MTMR7: variants seen among roughly 807,000 people sequenced by gnomAD.
MTMR7 encodes phosphatidylinositol-3-phosphate phosphatase MTMR7.
Under a neutral mutation model 81.2 loss-of-function variants are expected in MTMR7, and 76 were observed. The observed-to-expected ratio is 0.94, with a 90% CI of 0.78 to 1.13. The LOEUF (loss-of-function observed/expected upper bound fraction) is 1.13, where lower values mean the gene tolerates loss of function less well. Among genes scored for constraint, MTMR7 ranks in the 50% most tolerant of loss-of-function variants. The pLI is 0.00. For missense variants in MTMR7, 1,044 were observed against 820.0 expected, an observed-to-expected ratio of 1.27 and a Z score of -3.34; for synonymous variants, 372 against 289.8, an observed-to-expected ratio of 1.28 and a Z score of -2.88.
At chr8:17,405,087 A>C (rs1821538250) in intron 1 of MTMR7, among the ~76,000 whole-genome samples, 1 of 152,216 alleles carries the variant, frequency 6.6e-6, no homozygotes, top group Non-Finnish European at 1.5e-5. Flanking sequence ...TCTGACCTCA[A>C]ACGATCCGTC....
At chr8:17,359,367 G>C (rs1306382879) in intron 4 of MTMR7, among the ~76,000 whole-genome samples, 1 of 152,032 alleles carries the variant, frequency 6.6e-6, no homozygotes, top group Non-Finnish European at 1.5e-5. Context: ...GGAGGCCAAG[G>C]GAGGAGGACT....
At chr8:17,302,039 A>T (rs1358360356) in intron 13 of MTMR7, 115 bp downstream of exon 13, 2 of 1,391,184 alleles carry the variant, frequency 1.4e-6, no homozygotes, top group African/African-American at 1.4e-5. Flanking sequence ...CAGGTGTTCT[A>T]CTGACTAAAA....
At chr8:17,309,042 T>G (rs530949694) in intron 10 of MTMR7, among the ~76,000 whole-genome samples, 1 of 152,334 alleles carries the variant, frequency 6.6e-6, no homozygotes, top group South Asian at 2.1e-4. Context: ...TGAACAAGCA[T>G]TCTCTGTCTC....
Position 17,376,860 on chromosome 8 carries a change from A to G in MTMR7, c.25-3620T>C, listed in dbSNP as rs1392170632. 2.5e-4 allele frequency among the ~76,000 whole-genome samples: 38 copies of G among 152,062 alleles called. 1 individual carries two copies. The highest frequency in any genetic ancestry group is 2.5e-3 in the Admixed American group (38 of 15,258). On this transcript the variant is annotated intron_variant, in intron 1 of 13. Transcript: ENST00000180173. ...TTATGCCTTTTTGATATGTATTTGGATAAATATTTGTTTTTTTAACTCTAG... is the reference window on the plus strand; with the variant it reads ...TTATGCCTTTTTGATATGTATTTGGGTAAATATTTGTTTTTTTAACTCTAG...
rs150325596 is a variant in MTMR7 at position 17,385,495 on chromosome 8, A to G, written c.25-12255T>C. On this transcript the variant is annotated intron_variant, in intron 1 of 13. Transcript: ENST00000180173. ...CCTGCATAAGCCTTCTCTCTTGCCC[A>G]CCACCACGTAAGAAGTCTCTTTGCT... Among the ~76,000 whole-genome samples the G allele has an allele frequency of 4.8e-3, 736 of 152,266 alleles. 7 individuals carry two copies. The highest frequency in any genetic ancestry group is 0.016 in the African/African-American group (671 of 41,568).
At chr8:17,401,101 G>A (rs1317700409) in intron 1 of MTMR7, among the ~76,000 whole-genome samples, 1 of 152,112 alleles carries the variant, frequency 6.6e-6, no homozygotes, top group African/African-American at 2.4e-5. Context: ...ATGTATGCAT[G>A]TGTGTGGTAT....
chr8:17,377,818 T>C (rs10111903), intron 1 of MTMR7, among the ~76,000 whole-genome samples: 4,570 of 152,216 alleles, frequency 0.03, 227 homozygotes, highest in African/African-American at 0.1. Context: ...CAAATTCTCA[T>C]ATGGTTGGGA....
intron 1 of MTMR7, among the ~76,000 whole-genome samples, chr8:17,390,624 A>G (rs769848755): frequency 6.6e-6 from 1 of 151,892 alleles, no homozygotes. Flanking sequence ...ATAGTACCCA[A>G]GACTGGGTAA....
intron 1 of MTMR7, among the ~76,000 whole-genome samples, chr8:17,405,861 C>A (rs1034650861): frequency 1.5e-4 from 15 of 97,658 alleles, no homozygotes; most frequent in Non-Finnish European, 2.9e-4. Flanking sequence ...CACACACACA[C>A]ACACACACAC....
intron 1 of MTMR7, among the ~76,000 whole-genome samples, chr8:17,404,368 G>A (rs747007760): frequency 6.6e-5 from 10 of 152,124 alleles, no homozygotes; most frequent in East Asian, 1.9e-4. Context: ...GGTGTGAAGC[G>A]AGAGGGAATT....
intron 1 of MTMR7, among the ~76,000 whole-genome samples, chr8:17,398,373 C>G (rs1585122283): frequency 6.6e-6 from 1 of 152,052 alleles, no homozygotes; most frequent in African/African-American, 2.4e-5. Context: ...AAGCATCAAG[C>G]AGAAATTCTG....
At chr8:17,307,770 G>A (rs1253239376) in intron 10 of MTMR7, among the ~76,000 whole-genome samples, 1 of 152,040 alleles carries the variant, frequency 6.6e-6, no homozygotes, top group East Asian at 1.9e-4. Flanking sequence ...ATCATTCTCA[G>A]CAAACTATCG....
At chr8:17,342,914 G>A (rs922021635) in intron 5 of MTMR7, among the ~76,000 whole-genome samples, 6 of 152,048 alleles carry the variant, frequency 3.9e-5, no homozygotes, top group Admixed American at 6.6e-5. Context: ...GGCAAGGCCA[G>A]GAGCAAGGGG....
intron 4 of MTMR7, 151 bp from the exon 5 acceptor site, chr8:17,349,232 C>G: frequency 1.2e-6 from 1 of 837,750 alleles, no homozygotes; most frequent in Non-Finnish European, 1.8e-6. Context: ...AACTCAAAGC[C>G]ACTTCAGAGG....
intron 1 of MTMR7, among the ~76,000 whole-genome samples, chr8:17,377,105 A>AT (rs555532932): frequency 5.3e-4 from 81 of 152,026 alleles, no homozygotes; most frequent in Non-Finnish European, 1.1e-3. Context: ...GCCCTAGCCT[A>AT]TTCATGCTGC....
At chr8:17,342,634 A>T (rs1156304166) in intron 5 of MTMR7, among the ~76,000 whole-genome samples, 1 of 152,138 alleles carries the variant, frequency 6.6e-6, no homozygotes, top group African/African-American at 2.4e-5. Flanking sequence ...ACTAGCTCTG[A>T]AGTTGGAGAA....
At chr8:17,315,172 A>C (rs1224247591) in intron 7 of MTMR7, among the ~76,000 whole-genome samples, 3 of 152,234 alleles carry the variant, frequency 2.0e-5, no homozygotes, top group Non-Finnish European at 4.4e-5. Context: ...ATAAAAGGAG[A>C]TGAGCTATGA....
intron 7 of MTMR7, among the ~76,000 whole-genome samples, chr8:17,330,302 C>G (rs1042417026): frequency 6.6e-6 from 1 of 152,214 alleles, no homozygotes; most frequent in East Asian, 1.9e-4. Context: ...AGCCCACTTC[C>G]CGGGCTCCCA....
intron 1 of MTMR7, among the ~76,000 whole-genome samples, chr8:17,384,672 C>A (rs1158176555): frequency 6.6e-6 from 1 of 152,128 alleles, no homozygotes; most frequent in East Asian, 1.9e-4. Flanking sequence ...AGAAAAAGGG[C>A]ATTTGGTTTT....
Sources: allele counts gnomAD v4.1 joint callset (sites outside exome capture counted in the v4.1 genomes callset), GRCh38; gene constraint gnomAD v4.1.1; transcripts MANE v1.5; gene names NCBI Gene and HGNC (gene_info 2026-07-23, HGNC 2026-07-21).